The following TRPC4 variants were observed in gnomAD, a reference collection of about 807,000 sequenced individuals.
TRPC4 encodes the protein transient receptor potential cation channel subfamily C member 4.
A neutral mutation model predicts 99.4 loss-of-function variants in TRPC4; 49 were observed. The observed-to-expected ratio is 0.49, with a 90% CI of 0.39 to 0.63. TRPC4 has a LOEUF of 0.63. TRPC4 is among the 20% of genes least tolerant of loss of function. The pLI, the probability that TRPC4 is intolerant of heterozygous loss-of-function variation, is 0.00. For synonymous variants in TRPC4, 454 were observed against 425.9 expected, an observed-to-expected ratio of 1.07 and a Z score of -0.81; for missense variants, 898 against 1,152.9, an observed-to-expected ratio of 0.78 and a Z score of 3.20.
chr13:37,835,400 G>A (rs1053002965), intron 1 of TRPC4, among the ~76,000 whole-genome samples: 2 of 152,110 alleles, frequency 1.3e-5, no homozygotes, highest in African/African-American at 4.8e-5. Flanking sequence ...AAGGCAACAC[G>A]CTTTACCTGC....
rs1952037788 is a variant in TRPC4 at position 37,651,399 on chromosome 13, C to T, written c.1945G>A (p.Glu649Lys). 1 of 1,614,056 alleles carries T rather than the reference C, an allele frequency of 6.2e-7. No homozygotes were observed. The highest frequency in any genetic ancestry group is 1.1e-5 in the South Asian group (1 of 91,082). ...AAGGGAGTAGGCAGAGTACCTCCTTCTTCAAAATAACTCATCCAAAGCTTT... is the reference window on the plus strand; with the variant it reads ...AAGGGAGTAGGCAGAGTACCTCCTTTTTCAAAATAACTCATCCAAAGCTTT... Reference protein sequence around the residue: ...RTKLWMSYFEEGGTLPTPFNV... With the variant: ...RTKLWMSYFEKGGTLPTPFNV... Residue 649 changes from glutamate to lysine, a missense_variant, in exon 8 of 11, where the codon GAA becomes AAA. Transcript: ENST00000379705.
intron 1 of TRPC4, among the ~76,000 whole-genome samples, chr13:37,827,628 T>A (rs1438042413): frequency 3.3e-5 from 5 of 152,162 alleles, no homozygotes; most frequent in Non-Finnish European, 7.4e-5. Context: ...AGTCTGCCCA[T>A]TCTCAGATCT....
chr13:37,790,161 C>A (rs552629906), intron 1 of TRPC4, among the ~76,000 whole-genome samples: 6 of 152,076 alleles, frequency 3.9e-5, no homozygotes, highest in Admixed American at 2.6e-4. Flanking sequence ...AGAATAGAAA[C>A]ACAAGGGCCA....
At chr13:37,715,341 A>G (rs1954623827) in intron 3 of TRPC4, among the ~76,000 whole-genome samples, 1 of 152,228 alleles carries the variant, frequency 6.6e-6, no homozygotes, top group Non-Finnish European at 1.5e-5. Flanking sequence ...GCATCTTTGC[A>G]TAGGTTGAAT....
At chr13:37,730,090 A>G (rs1955194859) in intron 3 of TRPC4, among the ~76,000 whole-genome samples, 1 of 152,078 alleles carries the variant, frequency 6.6e-6, no homozygotes, top group African/African-American at 2.4e-5. Context: ...CAGCTGGCTA[A>G]TCCCCTGTGA....
At chr13:37,797,383 T>C (rs1292245608) in intron 1 of TRPC4, among the ~76,000 whole-genome samples, 1 of 152,074 alleles carries the variant, frequency 6.6e-6, no homozygotes. Flanking sequence ...TTAAATATGG[T>C]TTCATTCCCA....
At chr13:37,806,456 C>G (rs193153069) in intron 1 of TRPC4, among the ~76,000 whole-genome samples, 274 of 152,084 alleles carry the variant, frequency 1.8e-3, no homozygotes, top group Non-Finnish European at 3.3e-3. Flanking sequence ...AGCTAAAATG[C>G]ATTTGCTGTT....
At chr13:37,838,402 T>C (rs1958630217) in intron 1 of TRPC4, among the ~76,000 whole-genome samples, 2 of 152,190 alleles carry the variant, frequency 1.3e-5, no homozygotes, top group Admixed American at 6.5e-5. Flanking sequence ...GTAACAGATT[T>C]TGATTCTAGA....
intron 3 of TRPC4, among the ~76,000 whole-genome samples, chr13:37,734,537 C>T (rs941438562): frequency 6.6e-6 from 1 of 152,060 alleles, no homozygotes; most frequent in African/African-American, 2.4e-5. Context: ...TCCAGCTTCA[C>T]CCCAGTGGTC....
chr13:37,651,915 T>C (rs1593437552), intron 7 of TRPC4, among the ~76,000 whole-genome samples: 1 of 152,212 alleles, frequency 6.6e-6, no homozygotes, highest in South Asian at 2.1e-4. Context: ...AAAAGTCTTA[T>C]TGGATATGTT....
At chr13:37,645,335 GA>G (rs1951837097) in intron 8 of TRPC4, among the ~76,000 whole-genome samples, 1 of 152,140 alleles carries the variant, frequency 6.6e-6, no homozygotes, top group Admixed American at 6.5e-5. Context: ...TTAGAGCAGG[GA>G]AGATTTTGCA....
chr13:37,780,117 C>G (rs7319967), intron 2 of TRPC4, among the ~76,000 whole-genome samples: 78,547 of 151,432 alleles, frequency 0.52, 20,853 homozygotes, highest in East Asian at 0.78. Flanking sequence ...GGAAATTGTT[C>G]CCCTGTGAAA....
chr13:37,698,221 C>T (rs1288541665), intron 3 of TRPC4, among the ~76,000 whole-genome samples: 11 of 120,776 alleles, frequency 9.1e-5, no homozygotes, highest in South Asian at 2.8e-4. Context: ...AGTGCAGCAG[C>T]GCAATCTCAG....
chr13:37,789,371 G>A (rs946468980), intron 1 of TRPC4, among the ~76,000 whole-genome samples: 1 of 152,210 alleles, frequency 6.6e-6, no homozygotes, highest in East Asian at 1.9e-4. Flanking sequence ...CCCTGATGAT[G>A]TTTCTTTTCT....
At chr13:37,812,627 G>A (rs601958) in intron 1 of TRPC4, among the ~76,000 whole-genome samples, 50,180 of 151,864 alleles carry the variant, frequency 0.33, 8,600 homozygotes, top group East Asian at 0.53. Flanking sequence ...TTATTAAGCT[G>A]TGGAACACAG....
At chr13:37,674,480 C>T (rs567885631) in intron 4 of TRPC4, 113 bp from the exon 5 acceptor site, 2 of 1,105,826 alleles carry the variant, frequency 1.8e-6, no homozygotes, top group Admixed American at 3.1e-5. Context: ...CATTGTTACA[C>T]TAAATGCAAC....
intron 6 of TRPC4, among the ~76,000 whole-genome samples, chr13:37,658,115 A>G (rs947474026): frequency 2.0e-5 from 3 of 152,182 alleles, no homozygotes; most frequent in Non-Finnish European, 4.4e-5. Flanking sequence ...TTGCCCATAC[A>G]TTGAAGGATC....
chr13:37,824,181 A>G (rs1401890077), intron 1 of TRPC4, among the ~76,000 whole-genome samples: 82 of 150,822 alleles, frequency 5.4e-4, no homozygotes, highest in African/African-American at 2.0e-3. Context: ...GGCTGAGACA[A>G]TGGGGTTTTC....
At chr13:37,860,032 A>G (rs1259984437) in intron 1 of TRPC4, among the ~76,000 whole-genome samples, 1 of 151,302 alleles carries the variant, frequency 6.6e-6, no homozygotes, top group African/African-American at 2.4e-5. Context: ...CTCATCAAAC[A>G]TATGGATAAA....
Sources: gnomAD v4.1 joint callset for allele counts (sites outside exome capture counted in the v4.1 genomes callset) on GRCh38, gnomAD v4.1.1 for gene constraint, MANE v1.5 for transcripts, NCBI Gene and HGNC (gene_info 2026-07-23, HGNC 2026-07-21) for gene names.